Variants in RAB11B observed in about 807,000 individuals in gnomAD.
The protein encoded by RAB11B is RAB11B, member RAS oncogene family, also known as ras-related protein Rab-11B.
In RAB11B, 7 loss-of-function variants were observed where a neutral mutation model predicts 23.7. The ratio of observed to expected loss-of-function variants is 0.29; its 90% confidence interval spans 0.17 to 0.55. The LOEUF (loss-of-function observed/expected upper bound fraction) is 0.55. RAB11B is among the 20% of genes least tolerant of loss of function. The pLI, the probability that RAB11B is intolerant of heterozygous loss-of-function variation, is 0.93. For synonymous variants in RAB11B, 138 were observed against 132.0 expected (o/e 1.05, Z -0.31); for missense variants, 189 against 320.0 (o/e 0.59, Z 3.12).
rs1971462390 is a variant in RAB11B, at chr19:8,404,161, GCCCT to G, written c.*608_*611del. Reference sequence around the variant, plus strand: ...CTCCTGCACGCAACGCGCCCTCTCGGCCCTCCCTGTCCCCCTCCTCTGTCTCGTC... The same window carrying G: ...CTCCTGCACGCAACGCGCCCTCTCGGCCCTGTCCCCCTCCTCTGTCTCGTC... On this transcript the variant is annotated 3_prime_UTR_variant, in exon 5 of 5. Transcript: ENST00000328024. 1 of 150,540 alleles carries G rather than the reference GCCCT, an allele frequency of 6.6e-6. No homozygotes were observed. The highest frequency in any genetic ancestry group is 1.5e-5 in the Non-Finnish European group (1 of 67,654). 9.3% of individuals were successfully genotyped at this position (150,540 alleles called of 1,614,324 possible). A position where few individuals can be genotyped will look rare whatever the true frequency, so the allele number is the denominator to read the frequency against.
At chr19:8,403,157 T>C (rs1971451498) in intron 4 of RAB11B, among the ~76,000 whole-genome samples, 1 of 152,208 alleles carries the variant, frequency 6.6e-6, no homozygotes, top group African/African-American at 2.4e-5. Flanking sequence ...CTCAGGGACC[T>C]GGAGCCTTTT....
intron 2 of RAB11B, among the ~76,000 whole-genome samples, chr19:8,401,381 A>G (rs957752848): frequency 8.9e-5 from 13 of 145,254 alleles, no homozygotes; most frequent in Non-Finnish European, 1.8e-4. Context: ...TGCCTGGCCT[A>G]TTTATTTATT....
chr19:8,403,901 T>G lies in RAB11B; in HGVS notation c.*343T>G. On this transcript the variant is annotated 3_prime_UTR_variant, in exon 5 of 5. Coordinates refer to ENST00000328024, the MANE Select transcript of RAB11B (RefSeq NM_004218.4). ...TTCCTTGGCCGACTCTAGGGAGCGA[T>G]TGCCTCCCTCCCTCCGTGACCGGGT... 2 of 218,984 alleles carry G rather than the reference T, an allele frequency of 9.1e-6. No individual in the cohort carries two copies. The highest frequency in any genetic ancestry group is 1.1e-4 in the East Asian group (1 of 9,092). 13.6% of individuals were successfully genotyped at this position (218,984 alleles called of 1,614,324 possible). A position where few individuals can be genotyped will look rare whatever the true frequency, so the allele number is the denominator to read the frequency against.
rs570758931 is a variant in RAB11B at position 8,404,407 on chromosome 19, A to G, written c.*849A>G. ...CCCCGTCACCCCGCCCGTTACTGAAATGTATAATCTGACTTCCTGTACAGA... is the reference window on the plus strand; with the variant it reads ...CCCCGTCACCCCGCCCGTTACTGAAGTGTATAATCTGACTTCCTGTACAGA... On this transcript the variant is annotated 3_prime_UTR_variant, in exon 5 of 5. Transcript: ENST00000328024. 6.6e-6 allele frequency: 1 copy of G among 152,188 alleles called. No homozygotes were observed. Among genetic ancestry groups the G allele is most frequent in the East Asian group, 1.9e-4 (1 of 5,176 alleles). 9.4% of individuals were successfully genotyped at this position (152,188 alleles called of 1,614,324 possible). A position where few individuals can be genotyped will look rare whatever the true frequency, so the allele number is the denominator to read the frequency against.
At chr19:8,400,822 G>A (rs559044964) in intron 2 of RAB11B, among the ~76,000 whole-genome samples, 2 of 152,264 alleles carry the variant, frequency 1.3e-5, no homozygotes, top group African/African-American at 4.8e-5. Flanking sequence ...CCGCCCTCAG[G>A]TGATCCACCC....
At chr19:8,393,117 T>TC (rs1309228703) in intron 1 of RAB11B, among the ~76,000 whole-genome samples, 2 of 152,000 alleles carry the variant, frequency 1.3e-5, no homozygotes, top group Non-Finnish European at 2.9e-5. Context: ...GTTCTTTCCT[T>TC]CCCCCAGGAA....
chr19:8,401,888 ACC>A (rs1971440353), intron 2 of RAB11B, among the ~76,000 whole-genome samples, 196 bp from the exon 3 acceptor site: 1 of 151,730 alleles, frequency 6.6e-6, no homozygotes, highest in Admixed American at 6.6e-5. Context: ...CCCTCCTCAG[ACC>A]CCCACATTTC....
intron 1 of RAB11B, among the ~76,000 whole-genome samples, chr19:8,398,536 G>A (rs527332163): frequency 2.6e-5 from 4 of 152,352 alleles, no homozygotes; most frequent in Admixed American, 1.3e-4. Flanking sequence ...CTGGGGACAG[G>A]GGTGGTGGGA....
At chr19:8,398,275 C>A (rs1455165721) in intron 1 of RAB11B, among the ~76,000 whole-genome samples, 1 of 152,234 alleles carries the variant, frequency 6.6e-6, no homozygotes, top group Non-Finnish European at 1.5e-5. Flanking sequence ...TGGGCTCAGG[C>A]CCCCGTCCCT....
intron 2 of RAB11B, among the ~76,000 whole-genome samples, chr19:8,401,060 T>G (rs549466681): frequency 1.1e-3 from 173 of 151,934 alleles, no homozygotes; most frequent in African/African-American, 4.0e-3. Context: ...CCTGGCTAAT[T>G]TAATTAATTA....
intron 1 of RAB11B, among the ~76,000 whole-genome samples, chr19:8,392,373 T>G (rs970426295): frequency 6.6e-6 from 1 of 152,006 alleles, no homozygotes. Context: ...GGCTGTGTGG[T>G]TCCCGGGACT....
At chr19:8,399,397 C>G (rs2145511157) in intron 1 of RAB11B, among the ~76,000 whole-genome samples, 1 of 152,344 alleles carries the variant, frequency 6.6e-6, no homozygotes, top group South Asian at 2.1e-4. Flanking sequence ...CATGCCTGCT[C>G]TTACTTCCTC....
At chr19:8,390,889 A>C in intron 1 of RAB11B, among the ~76,000 whole-genome samples, 1 of 151,136 alleles carries the variant, frequency 6.6e-6, no homozygotes, top group Non-Finnish European at 1.5e-5. Context: ...GGCCTGGGCA[A>C]ACGGAGGCGG....
chr19:8,391,358 T>G (rs1173938706), intron 1 of RAB11B, among the ~76,000 whole-genome samples: 1 of 152,206 alleles, frequency 6.6e-6, no homozygotes, highest in Non-Finnish European at 1.5e-5. Context: ...TTTGGGTTGT[T>G]GGACCAACTT....
At chr19:8,402,455 C>G in intron 3 of RAB11B, 30 bp from the exon 4 acceptor site, 9 of 1,602,054 alleles carry the variant, frequency 5.6e-6, no homozygotes, top group Non-Finnish European at 7.7e-6. Flanking sequence ...CCTGCCTCCC[C>G]ACTCACCTAG....
At chr19:8,402,010 G>A in intron 2 of RAB11B, 76 bp from the exon 3 acceptor site, 3 of 1,433,750 alleles carry the variant, frequency 2.1e-6, no homozygotes, top group South Asian at 1.4e-5. Flanking sequence ...TGGGCGTGAT[G>A]TGTGCTGTTA....
At chr19:8,401,081 T>G (rs1278835486) in intron 2 of RAB11B, among the ~76,000 whole-genome samples, 1 of 151,168 alleles carries the variant, frequency 6.6e-6, no homozygotes. Flanking sequence ...ATTTATTTAT[T>G]TTTTAGTTTT....
rs1158574976 is a variant in RAB11B, at chr19:8,404,270, G to A, written c.*712G>A. On this transcript the variant is annotated 3_prime_UTR_variant, in exon 5 of 5. Transcript: ENST00000328024. ...ATATACAACCGCTCTTGTAGCCTTT[G>A]GTTTTTGTTAATGTAGAGAAACACA... 1.3e-5 allele frequency: 2 copies of A among 152,232 alleles called. No homozygotes were observed. The highest frequency in any genetic ancestry group is 4.8e-5 in the African/African-American group (2 of 41,432). 9.4% of individuals were successfully genotyped at this position (152,232 alleles called of 1,614,324 possible).
In RAB11B at chr19:8,402,074, CT is replaced by C. The variant is rs1971442079; in HGVS notation, c.237-11del. 6.4e-7 allele frequency: 1 copy of C among 1,572,642 alleles called. No homozygotes were observed. Among genetic ancestry groups the C allele is most frequent in the Non-Finnish European group, 8.6e-7 (1 of 1,158,118 alleles). On this transcript the variant is annotated splice_polypyrimidine_tract_variant and intron_variant, in intron 2 of 4. Transcript: ENST00000328024. ...GTCCTCCAGAGAGGCTCATGGGCCC[CT>C]GACCCTGCAGGTACTACCGTGGTGC...
Sources: gnomAD v4.1 joint callset for allele counts (sites outside exome capture counted in the v4.1 genomes callset) on GRCh38, gnomAD v4.1.1 for gene constraint, MANE v1.5 for transcripts, NCBI Gene and HGNC (gene_info 2026-07-23, HGNC 2026-07-21) for gene names.